The following DNAJC1 variants were observed in gnomAD, a reference collection of about 807,000 sequenced individuals.
The protein encoded by DNAJC1 is dnaJ homolog subfamily C member 1.
Under a neutral mutation model 76.6 loss-of-function variants are expected in DNAJC1, and 58 were observed. The ratio of observed to expected loss-of-function variants is 0.76; its 90% CI spans 0.61 to 0.94. The LOEUF (loss-of-function observed/expected upper bound fraction) is 0.94, where lower values mean the gene tolerates loss of function less well. DNAJC1 is among the 40% of genes least tolerant of loss of function. The pLI is 0.00. For missense variants in DNAJC1, 689 were observed against 677.3 expected (o/e 1.02, Z -0.19); for synonymous variants, 258 against 267.9 (o/e 0.96, Z 0.36).
chr10:21,893,585 C>G (rs1309382935), intron 7 of DNAJC1, among the ~76,000 whole-genome samples: 1 of 151,842 alleles, frequency 6.6e-6, no homozygotes, highest in Non-Finnish European at 1.5e-5. Context: ...CGAGATCACA[C>G]CACTGCACTT....
rs1012654493 is a variant in DNAJC1 at position 21,901,109 on chromosome 10, C to T, written c.820+3413G>A. Among the ~76,000 whole-genome samples, 7 of 152,278 alleles carry T rather than the reference C, an allele frequency of 4.6e-5. No homozygotes were observed. The South Asian group carries it at 1.5e-3, about 32-fold the overall frequency. On this transcript the variant is annotated intron_variant, in intron 7 of 11. Coordinates refer to ENST00000376980, the MANE Select transcript of DNAJC1 (RefSeq NM_022365.4). Reference sequence around the variant, plus strand: ...TTCAGTCCCTTTCTGGGGCATGCAACAAGGACCACAAAACAAGAAGAAAAA... The same window carrying T: ...TTCAGTCCCTTTCTGGGGCATGCAATAAGGACCACAAAACAAGAAGAAAAA...
At chr10:21,868,275 C>T (rs1474019743) in intron 8 of DNAJC1, among the ~76,000 whole-genome samples, 2 of 151,296 alleles carry the variant, frequency 1.3e-5, no homozygotes, top group Non-Finnish European at 2.9e-5. Flanking sequence ...CAGACATGCA[C>T]CACCATGCCC....
chr10:21,800,153 C>T (rs1294283092), intron 9 of DNAJC1, among the ~76,000 whole-genome samples: 2 of 152,178 alleles, frequency 1.3e-5, no homozygotes, highest in African/African-American at 4.8e-5. Flanking sequence ...CTCTGTCCCA[C>T]ACTAGAACCC....
At chr10:21,802,656 G>T (rs2131639914) in intron 9 of DNAJC1, among the ~76,000 whole-genome samples, 1 of 152,200 alleles carries the variant, frequency 6.6e-6, no homozygotes, top group Middle Eastern at 3.4e-3. Context: ...TTCCAAAGAG[G>T]CAGAAAAATC....
chr10:21,778,917 C>T (rs146916851), intron 9 of DNAJC1, among the ~76,000 whole-genome samples: 5,367 of 152,330 alleles, frequency 0.035, 149 homozygotes, highest in African/African-American at 0.069. Context: ...CTTTTCCAAC[C>T]GTCTTAGCAA....
At chr10:21,883,052 C>A (rs1401256594) in intron 7 of DNAJC1, among the ~76,000 whole-genome samples, 1 of 151,984 alleles carries the variant, frequency 6.6e-6, no homozygotes, top group African/African-American at 2.4e-5. Flanking sequence ...GAGTTCGAGA[C>A]CAGCCTGGGC....
intron 9 of DNAJC1, among the ~76,000 whole-genome samples, chr10:21,775,201 G>T (rs1013263640): frequency 6.6e-6 from 1 of 151,732 alleles, no homozygotes; most frequent in Admixed American, 6.6e-5. Context: ...CAACAGGTTC[G>T]TTAGATAGCA....
intron 1 of DNAJC1, among the ~76,000 whole-genome samples, chr10:21,970,687 G>A (rs541926996): frequency 1.3e-5 from 2 of 152,036 alleles, no homozygotes; most frequent in Non-Finnish European, 2.9e-5. Context: ...ATGGAATACA[G>A]AGTTGACTTG....
chr10:21,775,020 T>C (rs1025286440), intron 9 of DNAJC1, among the ~76,000 whole-genome samples: 1 of 152,234 alleles, frequency 6.6e-6, no homozygotes, highest in Non-Finnish European at 1.5e-5. Context: ...AGTCGCCTTA[T>C]GCTGGTAGTA....
intron 8 of DNAJC1, among the ~76,000 whole-genome samples, chr10:21,834,284 G>C (rs972833992): frequency 6.6e-6 from 1 of 152,072 alleles, no homozygotes; most frequent in African/African-American, 2.4e-5. Context: ...AAGAAAGAAA[G>C]AAAGAGGGGC....
chr10:21,798,569 T>C (rs879545706), intron 9 of DNAJC1, among the ~76,000 whole-genome samples: 2 of 152,204 alleles, frequency 1.3e-5, no homozygotes, highest in Non-Finnish European at 2.9e-5. Context: ...CTGCCAGCAA[T>C]GCTCCTTCTC....
chr10:22,000,392 G>T (rs1406943060), intron 1 of DNAJC1, among the ~76,000 whole-genome samples: 1 of 152,148 alleles, frequency 6.6e-6, no homozygotes, highest in East Asian at 1.9e-4. Flanking sequence ...AAAAGCCGAA[G>T]TCCTTACAAT....
At chr10:21,846,782 C>A (rs910458664) in intron 8 of DNAJC1, among the ~76,000 whole-genome samples, 1 of 152,004 alleles carries the variant, frequency 6.6e-6, no homozygotes, top group African/African-American at 2.4e-5. Flanking sequence ...ACTATTATCT[C>A]CATTTTACAA....
At chr10:21,798,450 C>T (rs779396450) in intron 9 of DNAJC1, among the ~76,000 whole-genome samples, 44 of 152,132 alleles carry the variant, frequency 2.9e-4, no homozygotes, top group Non-Finnish European at 4.9e-4. Flanking sequence ...AGACTCATTT[C>T]CTGTTATCTC....
At position 21,878,398 on chromosome 10, in the gene DNAJC1, G is replaced by A. The variant is rs1015406568; in HGVS notation, c.978+3884C>T. ...TATAGTAGTATAGTAGGTACACTGT[G>A]TGCTACAGTTGATTTTACACAGTTA... On this transcript the variant is annotated intron_variant, in intron 8 of 11. Coordinates refer to ENST00000376980, the MANE Select transcript of DNAJC1 (RefSeq NM_022365.4). 3.3e-5 allele frequency among the ~76,000 whole-genome samples: 5 copies of A among 152,292 alleles called. No individual in the cohort carries two copies. In the East Asian group the frequency reaches 9.7e-4, roughly 29 times the overall value.
chr10:21,778,678 A>G (rs1431303891), intron 9 of DNAJC1, among the ~76,000 whole-genome samples: 1 of 152,226 alleles, frequency 6.6e-6, no homozygotes, highest in Non-Finnish European at 1.5e-5. Flanking sequence ...GCGACGGAGA[A>G]GACGGGTGAT....
intron 8 of DNAJC1, among the ~76,000 whole-genome samples, chr10:21,873,763 C>T (rs1016967064): frequency 1.3e-5 from 2 of 152,056 alleles, no homozygotes; most frequent in African/African-American, 4.8e-5. Flanking sequence ...TTTTTAAAAA[C>T]CTAATTCAAA....
At chr10:21,948,473 G>C (rs1837542079) in intron 1 of DNAJC1, among the ~76,000 whole-genome samples, 4 of 152,160 alleles carry the variant, frequency 2.6e-5, no homozygotes, top group African/African-American at 9.7e-5. Flanking sequence ...ATTCCAGGCA[G>C]AGTGTGTTTG....
intron 8 of DNAJC1, among the ~76,000 whole-genome samples, chr10:21,872,984 C>T (rs1181021679): frequency 2.6e-5 from 4 of 152,162 alleles, no homozygotes; most frequent in African/African-American, 9.7e-5. Flanking sequence ...AAAGAACGAC[C>T]CCTGACCTAA....
Sources: gnomAD v4.1 joint callset for allele counts (sites outside exome capture counted in the v4.1 genomes callset) on GRCh38, gnomAD v4.1.1 for gene constraint, MANE v1.5 for transcripts, NCBI Gene and HGNC (gene_info 2026-07-23, HGNC 2026-07-21) for gene names.